Variants in IL3RA observed in about 807,000 individuals in gnomAD.
IL3RA encodes the protein interleukin-3 receptor subunit alpha.
IL3RA carries 73 observed loss-of-function variants against 52.3 expected under a neutral mutation model. That is an observed-to-expected ratio of 1.40 (90% CI 1.16 to 1.70). The LOEUF is 1.70. Among genes scored for constraint, IL3RA ranks in the 40% most tolerant of loss-of-function variants. The pLI, the probability that IL3RA is intolerant of heterozygous loss-of-function variation, is 0.00. For missense variants in IL3RA, 664 were observed against 504.4 expected (o/e 1.32, Z -3.03); for synonymous variants, 260 against 194.0 (o/e 1.34, Z -2.83).
At chrX:1,340,236 C>T (rs2085441534) in intron 1 of IL3RA, among the ~76,000 whole-genome samples, 2 of 152,032 alleles carry the variant, frequency 1.3e-5, no homozygotes, top group Admixed American at 6.6e-5. Flanking sequence ...CTGCCTCAGC[C>T]TCCCGAGTAG....
At chrX:1,344,118 A>T (rs1168010907) in intron 2 of IL3RA, among the ~76,000 whole-genome samples, 2 of 152,054 alleles carry the variant, frequency 1.3e-5, no homozygotes, top group African/African-American at 2.4e-5. Context: ...ACCAGCTCAC[A>T]GAAGTCTCCT....
rs747714469 is a variant in IL3RA, at chrX:1,358,233, C to T, written c.733-628C>T. Among the ~76,000 whole-genome samples the T allele has an allele frequency of 5.9e-5, 9 of 152,236 alleles. No homozygotes were observed. In the East Asian group the frequency reaches 9.6e-4, roughly 16 times the overall value. On this transcript the variant is annotated intron_variant, in intron 7 of 11. Transcript: ENST00000331035. ...CTGATGTTGCACCCCCTACCTAGTT[C>T]GCTGGCCTGGCATAGGCTGTCTGTG...
intron 9 of IL3RA, among the ~76,000 whole-genome samples, 170 bp downstream of exon 9, chrX:1,365,422 G>A (rs2087898970): frequency 1.3e-5 from 1 of 74,650 alleles, no homozygotes; most frequent in African/African-American, 7.4e-5. Flanking sequence ...GGGGTGAGCG[G>A]GGTGAGCGGG....
chrX:1,362,444 ATC>A (rs1260275706), intron 8 of IL3RA, among the ~76,000 whole-genome samples: 12 of 130,176 alleles, frequency 9.2e-5, no homozygotes, highest in South Asian at 2.5e-4. Context: ...GTCTCTTTGT[ATC>A]TCTGTCTCTC....
chrX:1,377,221 T>C (rs2088823173), intron 9 of IL3RA, among the ~76,000 whole-genome samples: 1 of 152,188 alleles, frequency 6.6e-6, no homozygotes, highest in Admixed American at 6.6e-5. Context: ...AATCAATTCC[T>C]TTTTTCTTTT....
chrX:1,344,376 G>C (rs1427203212), intron 2 of IL3RA, among the ~76,000 whole-genome samples: 1 of 152,022 alleles, frequency 6.6e-6, no homozygotes, highest in African/African-American at 2.4e-5. Context: ...GGAGGTTGTA[G>C]TGAGCCGAGA....
At chrX:1,345,656 AT>A (rs1306761364) in intron 3 of IL3RA, among the ~76,000 whole-genome samples, 2 of 151,168 alleles carry the variant, frequency 1.3e-5, no homozygotes, top group South Asian at 2.1e-4. Flanking sequence ...TGCCCGGCTA[AT>A]TTTTTTGTAT....
chrX:1,354,792 G>A (rs2086515486), intron 6 of IL3RA, among the ~76,000 whole-genome samples: 1 of 108,812 alleles, frequency 9.2e-6, no homozygotes, highest in Non-Finnish European at 1.9e-5. Flanking sequence ...AAGAAAGGAG[G>A]AGGAGAGGGT....
At chrX:1,360,368 C>G (rs1422971309) in intron 8 of IL3RA, among the ~76,000 whole-genome samples, 1 of 150,900 alleles carries the variant, frequency 6.6e-6, no homozygotes, top group Non-Finnish European at 1.5e-5. Context: ...CTCTCTCTCT[C>G]TCTCTGCCTC....
chrX:1,367,773 G>T (rs1406884009), intron 9 of IL3RA, among the ~76,000 whole-genome samples: 1 of 136,146 alleles, frequency 7.3e-6, no homozygotes, highest in African/African-American at 2.7e-5. Flanking sequence ...CCGGGTGAGC[G>T]GGGTGCGCGG....
At chrX:1,340,138 C>T (rs1166819531) in intron 1 of IL3RA, among the ~76,000 whole-genome samples, 4 of 129,442 alleles carry the variant, frequency 3.1e-5, no homozygotes, top group East Asian at 2.4e-4. Flanking sequence ...TTTTTTGAGA[C>T]GGAGTCTCGC....
intron 1 of IL3RA, among the ~76,000 whole-genome samples, chrX:1,341,311 A>G (rs1355789765): frequency 1.3e-5 from 2 of 152,028 alleles, no homozygotes; most frequent in Non-Finnish European, 2.9e-5. Context: ...GAAAAAAAAA[A>G]AAAGAAAACA....
At position 1,345,366 on chromosome X, in the gene IL3RA, T is replaced by C; in HGVS notation, c.115T>C (p.Leu39=). The part of the protein sequence containing the change: ...NLRMKAKAQQ[L]TWDLNRNVTD... ...AAGGATGAAAGCAAAGGCTCAGCAGTTGACCTGGGACCTTAACAGAAATGT... is the reference window on the plus strand; with the variant it reads ...AAGGATGAAAGCAAAGGCTCAGCAGCTGACCTGGGACCTTAACAGAAATGT... The change falls in exon 3 of 12, where the codon TTG becomes CTG. Residue 39 remains leucine, a synonymous_variant. Coordinates refer to ENST00000331035, the MANE Select transcript of IL3RA (RefSeq NM_002183.4). The C allele has an allele frequency of 6.2e-7, 1 of 1,611,656 alleles. No individual in the cohort carries two copies. The highest frequency in any genetic ancestry group is 8.5e-7 in the Non-Finnish European group (1 of 1,178,486).
At chrX:1,380,740 G>A (rs768086533) in intron 10 of IL3RA, among the ~76,000 whole-genome samples, 21 of 151,176 alleles carry the variant, frequency 1.4e-4, no homozygotes, top group African/African-American at 4.4e-4. Context: ...GTCTCAGGTC[G>A]TAAACTCAGT....
At chrX:1,351,778 G>A (rs1329933085) in intron 4 of IL3RA, among the ~76,000 whole-genome samples, 2 of 150,042 alleles carry the variant, frequency 1.3e-5, no homozygotes, top group Middle Eastern at 3.4e-3. Context: ...ACAGCGGCCC[G>A]ACATCACACC....
chrX:1,357,573 T>C (rs6603265), intron 7 of IL3RA, among the ~76,000 whole-genome samples: 151,068 of 151,076 alleles, frequency 1, 75,530 homozygotes, highest in Middle Eastern at 1. Flanking sequence ...CATCTTGTCC[T>C]GGCTGGTCTT....
rs182505700 is a variant in IL3RA at position 1,377,994 on chromosome X, T to C, written c.875-665T>C. ...TGAGGTCAGGAGTTCAAGACCAGCCTAACGAAGATGGTGAAACCCCATCTC... is the reference window on the plus strand; with the variant it reads ...TGAGGTCAGGAGTTCAAGACCAGCCCAACGAAGATGGTGAAACCCCATCTC... On this transcript the variant is annotated intron_variant, in intron 9 of 11. Transcript: ENST00000331035. Among the ~76,000 whole-genome samples, 440 of 151,042 alleles carry C rather than the reference T, an allele frequency of 2.9e-3. 2 individuals are homozygous for C. Among genetic ancestry groups the C allele is most frequent in the African/African-American group, 0.01 (423 of 41,296 alleles).
intron 7 of IL3RA, among the ~76,000 whole-genome samples, chrX:1,358,522 GGT>G (rs1182129120): frequency 1.3e-5 from 2 of 152,132 alleles, no homozygotes; most frequent in Admixed American, 1.3e-4. Context: ...AGCCAGGCGT[GGT>G]GGCACGCACC....
At chrX:1,348,039 A>G (rs1354540419) in intron 3 of IL3RA, among the ~76,000 whole-genome samples, 1 of 135,478 alleles carries the variant, frequency 7.4e-6, no homozygotes, top group African/African-American at 2.8e-5. Flanking sequence ...TCCCTCTCAA[A>G]AAAAAAAAAA....
Sources: gnomAD v4.1 joint callset for allele counts (sites outside exome capture counted in the v4.1 genomes callset) on GRCh38, gnomAD v4.1.1 for gene constraint, MANE v1.5 for transcripts, NCBI Gene and HGNC (gene_info 2026-07-23, HGNC 2026-07-21) for gene names.